Variants in SLC39A12 observed in about 807,000 individuals in gnomAD.
The protein encoded by SLC39A12 is zinc transporter ZIP12.
SLC39A12 carries 63 observed loss-of-function variants against 71.1 expected under a neutral mutation model. The observed-to-expected ratio is 0.89, with a 90% CI of 0.72 to 1.09. SLC39A12 has a LOEUF of 1.09. Ranked by LOEUF, SLC39A12 falls within the 50% of genes least tolerant of loss-of-function variation. SLC39A12 has a pLI of 0.00. For synonymous variants in SLC39A12, 351 were observed against 301.3 expected (o/e 1.16, Z -1.71); for missense variants, 892 against 812.6 (o/e 1.10, Z -1.19).
At chr10:17,992,555 T>TA (rs900971530) in intron 8 of SLC39A12, among the ~76,000 whole-genome samples, 7 of 152,220 alleles carry the variant, frequency 4.6e-5, no homozygotes, top group African/African-American at 9.6e-5. Context: ...CAAGAAGCAT[T>TA]AAAAAAATAA....
At chr10:18,006,722 TC>T (rs1836031451) in intron 12 of SLC39A12, among the ~76,000 whole-genome samples, 1 of 152,210 alleles carries the variant, frequency 6.6e-6, no homozygotes, top group African/African-American at 2.4e-5. Context: ...CAGGCTCTTG[TC>T]CCTGTGTTCA....
At chr10:17,997,039 A>C (rs1409514256) in intron 10 of SLC39A12, among the ~76,000 whole-genome samples, 2 of 143,116 alleles carry the variant, frequency 1.4e-5, no homozygotes, top group Non-Finnish European at 3.1e-5. Context: ...AAAAAAAAAG[A>C]AAAAGAAAAA....
chr10:18,003,293 T>A lies in SLC39A12; in HGVS notation c.1882T>A (p.Cys628Ser). ...YIGLSVSADPCVQDWIFTVTA... is the reference protein window; with the variant it reads ...YIGLSVSADPSVQDWIFTVTA... ...TGGCCTTTCCGTGTCAGCTGATCCA[T>A]GTGTTCAAGACTGGATCTTCACAGT... The change falls in exon 12 of 13, where the codon TGT becomes AGT. Residue 628 changes from cysteine (C) to serine (S), a missense_variant. By Grantham distance (112) the Cys-to-Ser change is moderately radical. Coordinates refer to ENST00000377369, the MANE Select transcript of SLC39A12 (RefSeq NM_001145195.2). 6.2e-7 allele frequency: 1 copy of A among 1,614,104 alleles called. No individual in the cohort carries two copies.
In SLC39A12 at chr10:18,035,152, C is replaced by G. The variant is rs1217259040; in HGVS notation, c.1948-7553C>G. 6.7e-5 allele frequency among the ~76,000 whole-genome samples: 10 copies of G among 148,688 alleles called. No homozygotes were observed. In the East Asian group the frequency reaches 2.0e-3, roughly 30 times the overall value. On this transcript the variant is annotated intron_variant, in intron 12 of 12. Transcript: ENST00000377369. ...TGGAGTTGCTCTTCTCGAGGAGTAT[C>G]TTTGTGGCGTTCTCTGTGTTTCCTG...
At chr10:17,971,730 T>A (rs7088822) in intron 4 of SLC39A12, among the ~76,000 whole-genome samples, 4,876 of 152,236 alleles carry the variant, frequency 0.032, 228 homozygotes, top group African/African-American at 0.11. Context: ...TTTTCTTTTT[T>A]TCTTAGTCTG....
At chr10:17,973,897 ATTT>A (rs35451434) in intron 4 of SLC39A12, among the ~76,000 whole-genome samples, 1 of 147,056 alleles carries the variant, frequency 6.8e-6, no homozygotes, top group African/African-American at 2.5e-5. Flanking sequence ...GTCGTGCTTT[ATTT>A]TTTTTTTTAA....
intron 12 of SLC39A12, among the ~76,000 whole-genome samples, chr10:18,011,806 A>G (rs777327811): frequency 2.0e-5 from 3 of 152,252 alleles, no homozygotes; most frequent in Non-Finnish European, 4.4e-5. Context: ...TTTTCAAAAA[A>G]ATGTAATTTA....
chr10:18,020,123 T>C (rs1836490948), intron 12 of SLC39A12, among the ~76,000 whole-genome samples: 1 of 152,078 alleles, frequency 6.6e-6, no homozygotes, highest in South Asian at 2.1e-4. Context: ...TAGGTGGTTT[T>C]ACAATCCTCA....
intron 2 of SLC39A12, among the ~76,000 whole-genome samples, chr10:17,959,579 A>G (rs1457892625): frequency 1.3e-5 from 2 of 152,104 alleles, no homozygotes; most frequent in African/African-American, 4.8e-5. Context: ...CATGGGACAA[A>G]TCTGTCTGGG....
At chr10:18,028,269 T>C (rs902800430) in intron 12 of SLC39A12, among the ~76,000 whole-genome samples, 4 of 152,374 alleles carry the variant, frequency 2.6e-5, no homozygotes, top group African/African-American at 9.6e-5. Context: ...TATATTTGAA[T>C]TGCAAATTTT....
chr10:18,003,850 T>C (rs186736798), intron 12 of SLC39A12, among the ~76,000 whole-genome samples: 19 of 152,370 alleles, frequency 1.2e-4, no homozygotes, highest in Admixed American at 9.1e-4. Flanking sequence ...GTCATTGAAT[T>C]AAATCACTGT....
chr10:18,003,542 G>A, intron 12 of SLC39A12, 184 bp downstream of exon 12: 1 of 522,546 alleles, frequency 1.9e-6, no homozygotes, highest in Non-Finnish European at 3.1e-6. Context: ...ACATAATTTG[G>A]GTACAGAAAA....
rs1407183255 is a variant in SLC39A12 at position 18,036,786 on chromosome 10, A to AT, written c.1948-5918dup. Among the ~76,000 whole-genome samples the AT allele has an allele frequency of 2.2e-3, 21 of 9,446 alleles. 1 individual carries two copies. The highest frequency in any genetic ancestry group is 3.9e-3 in the Non-Finnish European group (15 of 3,836). The allele number at this position is 9,446 out of a possible 152,430, so 6.2% of individuals were successfully genotyped here. On this transcript the variant is annotated intron_variant, in intron 12 of 12. Transcript: ENST00000377369. ...TATATATATATATATATATATATAT[A>AT]TATATATATTTTTTTTTTTAATGGA...
At chr10:18,010,748 A>T (rs1019843030) in intron 12 of SLC39A12, among the ~76,000 whole-genome samples, 2 of 152,068 alleles carry the variant, frequency 1.3e-5, no homozygotes, top group Admixed American at 6.6e-5. Context: ...ACACATACAC[A>T]CAGATCTTCC....
chr10:17,981,220 A>C, intron 5 of SLC39A12, 92 bp from the exon 6 acceptor site: 1 of 1,159,424 alleles, frequency 8.6e-7, no homozygotes, highest in Non-Finnish European at 1.2e-6. Context: ...TCGCTATTCC[A>C]TCTAGAATTC....
chr10:17,955,876 G>C (rs978204124), intron 2 of SLC39A12, among the ~76,000 whole-genome samples: 1 of 152,136 alleles, frequency 6.6e-6, no homozygotes, highest in Non-Finnish European at 1.5e-5. Context: ...AACATCGTGA[G>C]AGATTAAATA....
rs1382745581 is a variant in SLC39A12 at position 18,001,513 on chromosome 10, C to CAAAAAG, written c.1759+694_1759+699dup. ...TGGGCAACAGAGTGAGACTCCATCT[C>CAAAAAG]AAAAAGAAAAACAAAAACAAAAACA... On this transcript the variant is annotated intron_variant, in intron 11 of 12. Transcript: ENST00000377369. Among the ~76,000 whole-genome samples, 6 of 152,024 alleles carry CAAAAAG rather than the reference C, an allele frequency of 3.9e-5. No homozygotes were observed. In the East Asian group the frequency reaches 9.7e-4, roughly 25 times the overall value.
chr10:18,030,502 G>A (rs1246685021), intron 12 of SLC39A12, among the ~76,000 whole-genome samples: 1 of 151,970 alleles, frequency 6.6e-6, no homozygotes, highest in Non-Finnish European at 1.5e-5. Context: ...GCCTCCCAAA[G>A]TGCTGGGATT....
At chr10:17,983,434 G>C (rs1835318972) in intron 6 of SLC39A12, among the ~76,000 whole-genome samples, 1 of 152,032 alleles carries the variant, frequency 6.6e-6, no homozygotes, top group Non-Finnish European at 1.5e-5. Flanking sequence ...GCTGTAGTGA[G>C]CTATGACAAT....
Sources: allele counts gnomAD v4.1 joint callset (sites outside exome capture counted in the v4.1 genomes callset), GRCh38; gene constraint gnomAD v4.1.1; transcripts MANE v1.5; gene names NCBI Gene and HGNC (gene_info 2026-07-23, HGNC 2026-07-21).